Variants in RREB1 observed in about 807,000 individuals in gnomAD.
RREB1 encodes the protein ras responsive element binding protein 1.
RREB1 carries 27 observed loss-of-function variants against 117.8 expected under a neutral mutation model. That is an observed-to-expected ratio of 0.23 (90% confidence interval 0.17 to 0.32). RREB1 has a LOEUF of 0.32. Among genes scored for constraint, RREB1 ranks in the 10% least tolerant of loss-of-function variants. RREB1 has a pLI of 1.00. For missense variants in RREB1, 2,577 were observed against 2,378.2 expected, an observed-to-expected ratio of 1.08 and a Z score of -1.74; for synonymous variants, 1,298 against 1,026.7, an observed-to-expected ratio of 1.26 and a Z score of -5.05.
intron 1 of RREB1, among the ~76,000 whole-genome samples, chr6:7,175,167 G>A (rs966180048): frequency 1.3e-5 from 2 of 152,002 alleles, no homozygotes; most frequent in Non-Finnish European, 2.9e-5. Flanking sequence ...AGTCTGAAAG[G>A]ATGTTTGTGC....
intron 1 of RREB1, among the ~76,000 whole-genome samples, chr6:7,144,420 G>A (rs1762768242): frequency 6.6e-6 from 1 of 152,192 alleles, no homozygotes; most frequent in South Asian, 2.1e-4. Context: ...ACTTTACAAT[G>A]TGGTATTGAA....
intron 1 of RREB1, among the ~76,000 whole-genome samples, chr6:7,130,779 G>T (rs1762121815): frequency 6.6e-6 from 1 of 151,714 alleles, no homozygotes; most frequent in Non-Finnish European, 1.5e-5. Context: ...ACCACACCCA[G>T]CTAACTTTTG....
intron 1 of RREB1, among the ~76,000 whole-genome samples, chr6:7,160,758 C>G (rs1224790882): frequency 6.6e-6 from 1 of 151,976 alleles, no homozygotes; most frequent in Non-Finnish European, 1.5e-5. Context: ...GCAATCTCAG[C>G]TCACTGCAAC....
chr6:7,194,794 G>T (rs982342253), intron 6 of RREB1, among the ~76,000 whole-genome samples: 5 of 152,138 alleles, frequency 3.3e-5, no homozygotes, highest in Non-Finnish European at 5.9e-5. Flanking sequence ...GTGTACTATG[G>T]ACATGCCCTA....
rs759269480 is a variant in RREB1 at position 7,230,145 on chromosome 6, C to T, written c.2046C>T (p.Asp682=). 6.2e-7 allele frequency: 1 copy of T among 1,605,300 alleles called. No individual in the cohort carries two copies. Among genetic ancestry groups the T allele is most frequent in the Non-Finnish European group, 8.5e-7 (1 of 1,178,138 alleles). Residue 682 remains aspartate (D), a synonymous_variant, in exon 10 of 13, where the codon GAC becomes GAT. Transcript: ENST00000379938. ...ACATCTGCGACTACATCGCCGCCGA[C>T]AAGGCCGCGCTCATCCGCCACCTGC... ...QCNICDYIAA[D]KAALIRHLRT...
chr6:7,189,696 T>G (rs1430120914), intron 6 of RREB1, among the ~76,000 whole-genome samples: 2 of 152,230 alleles, frequency 1.3e-5, no homozygotes, highest in Admixed American at 1.3e-4. Flanking sequence ...ACCAGATTCC[T>G]GACAGACCTT....
intron 8 of RREB1, chr6:7,214,137 CAT>C (rs1450706721): frequency 1.3e-5 from 2 of 152,320 alleles, no homozygotes; most frequent in African/African-American, 4.8e-5. Context: ...TCATTTTTTT[CAT>C]AGTTGGGATG....
chr6:7,178,698 A>G (rs1346623459), intron 2 of RREB1, among the ~76,000 whole-genome samples: 1 of 152,178 alleles, frequency 6.6e-6, no homozygotes, highest in African/African-American at 2.4e-5. Flanking sequence ...CAGTGTAGCT[A>G]TGAGTTTCAT....
rs1275187541 is a variant in RREB1, at chr6:7,230,001, G to A, written c.1902G>A (p.Lys634=). The change falls in exon 10 of 13, where the codon AAG becomes AAA. Residue 634 remains lysine (K), a synonymous_variant. Coordinates refer to ENST00000379938, the MANE Select transcript of RREB1 (RefSeq NM_001003699.4). The stretch of plus-strand genomic sequence containing the variant: ...TCATGACAGCGCCCGGCGGCAAGAA[G>A]ACGCCCGCCATGCGCAAGGTGCTCT... ...KAFMTAPGGK[K]TPAMRKVLYP... 6.2e-7 allele frequency: 1 copy of A among 1,607,980 alleles called. No homozygotes were observed. Among genetic ancestry groups the A allele is most frequent in the Admixed American group, 1.7e-5 (1 of 59,764 alleles).
Position 7,206,464 on chromosome 6 carries a change from T to C in RREB1, c.426-4340T>C, listed in dbSNP as rs565768897. Among the ~76,000 whole-genome samples, 183 of 152,352 alleles carry C rather than the reference T, an allele frequency of 1.2e-3. 2 individuals carry two copies. Among genetic ancestry groups the C allele is most frequent in the African/African-American group, 4.1e-3 (170 of 41,584 alleles). ...TTCCTTCATTTGTCCATTCAGGAAT[T>C]CAACAAATATTTATTTGTTTGTTCT... On this transcript the variant is annotated intron_variant, in intron 6 of 12. Transcript: ENST00000379938.
chr6:7,235,706 C>T (rs932035087), intron 10 of RREB1, among the ~76,000 whole-genome samples: 7 of 152,160 alleles, frequency 4.6e-5, no homozygotes, highest in Non-Finnish European at 1.0e-4. Context: ...CTGTCTACAC[C>T]TTGAATGCTG....
At chr6:7,191,343 G>T (rs1008288617) in intron 6 of RREB1, among the ~76,000 whole-genome samples, 3 of 151,990 alleles carry the variant, frequency 2.0e-5, no homozygotes, top group Admixed American at 6.6e-5. Context: ...GTAGAAATAT[G>T]ATACATTTTA....
rs1768738307 is a variant in RREB1, at chr6:7,242,050, T to C, written c.3973+1448T>C. Among the ~76,000 whole-genome samples the C allele has an allele frequency of 2.6e-5, 4 of 152,334 alleles. No individual in the cohort carries two copies. The South Asian group carries it at 8.3e-4, about 32-fold the overall frequency. On this transcript the variant is annotated intron_variant, in intron 11 of 12. Transcript: ENST00000379938. ...CCACATTACCTGTTAGTCTGGAACA[T>C]TTTCTTTCATCCTGGTTTAGAAAGC... is the stretch of plus-strand genomic sequence containing the variant.
At chr6:7,232,302 A>G (rs1230189473) in intron 10 of RREB1, among the ~76,000 whole-genome samples, 1 of 152,208 alleles carries the variant, frequency 6.6e-6, no homozygotes, top group African/African-American at 2.4e-5. Flanking sequence ...ATTGGGGCAT[A>G]ATGAGCTCGG....
intron 10 of RREB1, among the ~76,000 whole-genome samples, chr6:7,233,835 G>C (rs1768142069): frequency 6.6e-6 from 1 of 152,146 alleles, no homozygotes; most frequent in Non-Finnish European, 1.5e-5. Context: ...GGGAGGTCAT[G>C]GAGCCACCGC....
intron 1 of RREB1, among the ~76,000 whole-genome samples, chr6:7,120,552 A>G (rs980084236): frequency 1.3e-5 from 2 of 152,204 alleles, no homozygotes; most frequent in East Asian, 1.9e-4. Flanking sequence ...GAAAAAACCA[A>G]TGGCTGCCTC....
At chr6:7,158,468 A>C (rs959992494) in intron 1 of RREB1, among the ~76,000 whole-genome samples, 2 of 151,964 alleles carry the variant, frequency 1.3e-5, no homozygotes, top group Non-Finnish European at 2.9e-5. Context: ...CACTCCACAC[A>C]CACCCTCTGT....
intron 1 of RREB1, among the ~76,000 whole-genome samples, chr6:7,124,083 C>T (rs528829661): frequency 3.9e-5 from 6 of 152,148 alleles, no homozygotes; most frequent in Non-Finnish European, 7.4e-5. Context: ...GGTCCTGTTG[C>T]GGTAGTAAGC....
chr6:7,204,864 T>G (rs1468449389), intron 6 of RREB1, among the ~76,000 whole-genome samples: 1 of 152,244 alleles, frequency 6.6e-6, no homozygotes, highest in African/African-American at 2.4e-5. Context: ...AGACCTGCTC[T>G]GAGGGCAGCT....
Sources: gnomAD v4.1 joint callset for allele counts (sites outside exome capture counted in the v4.1 genomes callset) on GRCh38, gnomAD v4.1.1 for gene constraint, MANE v1.5 for transcripts, NCBI Gene and HGNC (gene_info 2026-07-23, HGNC 2026-07-21) for gene names.